ABCA3: variants seen among roughly 807,000 people sequenced by gnomAD.
ABCA3 encodes the protein ATP binding cassette subfamily A member 3.
ABCA3 carries 88 observed loss-of-function variants against 172.8 expected under a neutral mutation model. The observed-to-expected ratio is 0.51, with a 90% CI of 0.43 to 0.61. The LOEUF is 0.61. Among genes scored for constraint, ABCA3 ranks in the 20% least tolerant of loss-of-function variants. The probability of loss-of-function intolerance (pLI) is 0.00; values close to 1 mark genes in which losing one functional copy is unlikely to be tolerated. For synonymous variants in ABCA3, 1,066 were observed against 983.8 expected, an observed-to-expected ratio of 1.08 and a Z score of -1.56; for missense variants, 2,164 against 2,301.0, an observed-to-expected ratio of 0.94 and a Z score of 1.22.
chr16:2,295,773 C>T (rs749861567), intron 17 of ABCA3, 33 bp from the exon 18 acceptor site: 5 of 1,613,118 alleles, frequency 3.1e-6, no homozygotes, highest in South Asian at 2.2e-5. Context: ...AGATCTTTGG[C>T]TGATCCCCCA....
chr16:2,300,913 CAT>C (rs1206067160), intron 12 of ABCA3, among the ~76,000 whole-genome samples: 1 of 152,220 alleles, frequency 6.6e-6, no homozygotes, highest in Non-Finnish European at 1.5e-5. Flanking sequence ...ACACAGCTCT[CAT>C]ATGTAAAGTG....
chr16:2,339,552 C>A (rs1350928995), intron 1 of ABCA3, among the ~76,000 whole-genome samples: 2 of 152,202 alleles, frequency 1.3e-5, no homozygotes, highest in Admixed American at 1.3e-4. Flanking sequence ...AGGCAGCGCC[C>A]AGACTATCTG....
Position 2,295,581 on chromosome 16 carries a change from G to A in ABCA3, c.2414+9C>T. On this transcript the variant is annotated intron_variant, in intron 18 of 32. Coordinates refer to ENST00000301732, the MANE Select transcript of ABCA3 (RefSeq NM_001089.3). The stretch of plus-strand genomic sequence containing the variant: ...GTATACCTGTGCGTGCCCTCCCTGG[G>A]AGGCGTACCTGTGCGTGCTCTCTCT... The A allele has an allele frequency of 6.2e-7, 1 of 1,611,990 alleles. No individual in the cohort carries two copies.
intron 13 of ABCA3, 144 bp downstream of exon 13, chr16:2,299,861 G>A: frequency 1.6e-6 from 2 of 1,213,822 alleles, no homozygotes; most frequent in Non-Finnish European, 2.3e-6. Flanking sequence ...GAGGGCAGCG[G>A]AGGGTTCCTG....
intron 18 of ABCA3, among the ~76,000 whole-genome samples, chr16:2,295,023 G>A (rs2093677532): frequency 6.6e-6 from 1 of 152,022 alleles, no homozygotes; most frequent in Admixed American, 6.6e-5. Context: ...ATAAATAAAT[G>A]TAAAATGGAA....
chr16:2,294,830 A>C (rs1160195369), intron 18 of ABCA3, among the ~76,000 whole-genome samples: 1 of 152,002 alleles, frequency 6.6e-6, no homozygotes, highest in Non-Finnish European at 1.5e-5. Flanking sequence ...TAAAAATACA[A>C]AAATTAGCCG....
Position 2,317,656 on chromosome 16 carries a change from A to C in ABCA3, c.982T>G (p.Cys328Gly). The stretch of plus-strand genomic sequence containing the variant: ...ACCGACGCCATGCTCACCTTGACAC[A>C]GAAGAGCAGGGTCATGAAGGAGGCG... ...IAASFMTLLF[C>G]VKVKPNVAVL... is the part of the protein sequence containing the mutation. The change falls in exon 9 of 33, where the codon TGT (cysteine) becomes GGT (glycine). Residue 328 changes from cysteine (C) to glycine (G), a missense_variant. By Grantham distance (159) the Cys-to-Gly change is radical. Coordinates refer to ENST00000301732, the MANE Select transcript of ABCA3 (RefSeq NM_001089.3). 6.2e-7 allele frequency: 1 copy of C among 1,614,190 alleles called. No individual in the cohort carries two copies. The highest frequency in any genetic ancestry group is 1.1e-5 in the South Asian group (1 of 91,082).
rs1262754518 is a variant in ABCA3, at chr16:2,297,308, C to T, written c.2263+21G>A. On this transcript the variant is annotated intron_variant, in intron 17 of 32. Transcript: ENST00000301732. This position sits in a 1 kb window ranked among gnomAD's most constrained non-coding sequence, Gnocchi z 5.6. ...GGCAGCCAGGACACCGACCCTGTCG[C>T]GGGCTGGCCCCACCGCTCACCGTAT... 1.2e-5 allele frequency: 19 copies of T among 1,607,610 alleles called. No homozygotes were observed. The East Asian group carries it at 1.6e-4, about 13-fold the overall frequency.
chr16:2,329,766 G>C lies in ABCA3; in HGVS notation c.-450C>G, dbSNP rs529594680. The C allele has an allele frequency of 6.6e-6, 1 of 152,322 alleles. No individual in the cohort carries two copies. The highest frequency in any genetic ancestry group is 2.4e-5 in the African/African-American group (1 of 41,448). 9.4% of individuals were successfully genotyped at this position (152,322 alleles called of 1,614,324 possible). A position where few individuals can be genotyped will look rare whatever the true frequency, so the allele number is the denominator to read the frequency against. On this transcript the variant is annotated 5_prime_UTR_variant, in exon 2 of 33. Coordinates refer to ENST00000301732, the MANE Select transcript of ABCA3 (RefSeq NM_001089.3). ...GGTGGGGCCTGAGAGCCTCTGGAGT[G>C]GGGCAGGGCAACCCTGAGGTTTGGG...
At position 2,307,554 on chromosome 16, in the gene ABCA3, C is replaced by CA. The variant is rs1308304211; in HGVS notation, c.1285+895dup. Among the ~76,000 whole-genome samples, 6 of 146,646 alleles carry CA rather than the reference C, an allele frequency of 4.1e-5. No individual in the cohort carries two copies. The East Asian group carries it at 6.0e-4, about 15-fold the overall frequency. On this transcript the variant is annotated intron_variant, in intron 11 of 32. Coordinates refer to ENST00000301732, the MANE Select transcript of ABCA3 (RefSeq NM_001089.3). ...GGGAAACAGAACGAGACTCTTGTCT[C>CA]AAAAAAAAAGAAAAAAAGTCCTCAA...
chr16:2,281,311 G>A lies in ABCA3; in HGVS notation c.4164+70C>T. On this transcript the variant is annotated intron_variant, in intron 27 of 32. Transcript: ENST00000301732. This position sits in a 1 kb window ranked among gnomAD's most constrained non-coding sequence, Gnocchi z 4.7. Reference sequence around the variant, plus strand: ...CTCAGCGCCGAAAGCTTCCAGGGATGGGGTCGGACCCTGGGGACAGCCAGG... The same window carrying A: ...CTCAGCGCCGAAAGCTTCCAGGGATAGGGTCGGACCCTGGGGACAGCCAGG... 1.9e-6 allele frequency: 3 copies of A among 1,613,028 alleles called. No homozygotes were observed. Among genetic ancestry groups the A allele is most frequent in the Non-Finnish European group, 2.5e-6 (3 of 1,179,662 alleles).
At position 2,317,418 on chromosome 16, in the gene ABCA3, C is replaced by A. The variant is rs1366966017; in HGVS notation, c.991-15G>T. On this transcript the variant is annotated splice_polypyrimidine_tract_variant and intron_variant, in intron 9 of 32. Coordinates refer to ENST00000301732, the MANE Select transcript of ABCA3 (RefSeq NM_001089.3). ...TTTGGCTTCACCTGCAGGGCACAGG[C>A]ATGAGTCGGGCGTGGTGGGCCGGCA... 1 of 1,613,338 alleles carries A rather than the reference C, an allele frequency of 6.2e-7. No individual in the cohort carries two copies. Among genetic ancestry groups the A allele is most frequent in the Admixed American group, 1.7e-5 (1 of 60,026 alleles).
intron 1 of ABCA3, chr16:2,332,334 G>T: frequency 1.4e-6 from 1 of 731,918 alleles, no homozygotes; most frequent in Non-Finnish European, 2.5e-6. Flanking sequence ...ATTTCTAGTA[G>T]CGAGCACAGG....
In ABCA3 at chr16:2,278,773, G is replaced by A. The variant is rs531902146; in HGVS notation, c.4547+170C>T. Among the ~76,000 whole-genome samples, 5 of 152,334 alleles carry A rather than the reference G, an allele frequency of 3.3e-5. No individual in the cohort carries two copies. The highest frequency in any genetic ancestry group is 1.2e-4 in the African/African-American group (5 of 41,582). On this transcript the variant is annotated intron_variant, in intron 29 of 32. Coordinates refer to ENST00000301732, the MANE Select transcript of ABCA3 (RefSeq NM_001089.3). The surrounding 1 kb of genome is among the most constrained non-coding windows in gnomAD (Gnocchi z 4.4). ...CTAGGTGGCAGGCACTGTCAGGGCA[G>A]TCCCTTTCCTACGTGGAGCTACCTG...
In ABCA3 at chr16:2,278,164, C is replaced by T; in HGVS notation, c.4719-95G>A. ...CTCTCCGATCAGGCTGTTCCTGATA[C>T]CCATGCTCAGTGTGGCTCACGGGCA... On this transcript the variant is annotated intron_variant, in intron 30 of 32. Coordinates refer to ENST00000301732, the MANE Select transcript of ABCA3 (RefSeq NM_001089.3). The surrounding 1 kb of genome is among the most constrained non-coding windows in gnomAD (Gnocchi z 4.4). The T allele has an allele frequency of 1.9e-6, 3 of 1,595,438 alleles. No individual in the cohort carries two copies. In the South Asian group the frequency reaches 3.3e-5, roughly 18 times the overall value.
At chr16:2,326,321 C>G (rs776986964) in intron 4 of ABCA3, 47 bp from the exon 5 acceptor site, 16 of 1,611,250 alleles carry the variant, frequency 9.9e-6, no homozygotes, top group Admixed American at 8.3e-5. Flanking sequence ...AAGGCAGAAG[C>G]AGGGGCATGC....
rs1596850219 is a variant in ABCA3 at position 2,305,759 on chromosome 16, G to C, written c.1286-1609C>G. Among the ~76,000 whole-genome samples the C allele has an allele frequency of 2.6e-5, 4 of 152,174 alleles. No homozygotes were observed. The South Asian group carries it at 8.3e-4, about 32-fold the overall frequency. ...TATTTTTTTACATTTTAATTTTGTA[G>C]TGATGGGGGTCTTGCTATGTTGCCC... On this transcript the variant is annotated intron_variant, in intron 11 of 32. Transcript: ENST00000301732.
Position 2,299,438 on chromosome 16 carries a change from C to T in ABCA3, c.1706G>A (p.Gly569Asp). ...GQITVLLGHNGAGKTTTLSML... is the reference protein window; with the variant it reads ...GQITVLLGHNDAGKTTTLSML... The stretch of plus-strand genomic sequence containing the variant: ...GGAGAGGGTGGTGGTCTTCCCGGCA[C>T]CGTTGTGGCCCAGCAGGACGGTGAT... The change falls in exon 14 of 33, where the codon GGT (glycine) becomes GAT (aspartate). Residue 569 changes from glycine (G) to aspartate (D), a missense_variant. By Grantham distance (94) the Gly-to-Asp change is moderately conservative. Transcript: ENST00000301732. 6.2e-7 allele frequency: 1 copy of T among 1,613,860 alleles called. No homozygotes were observed. Among genetic ancestry groups the T allele is most frequent in the Non-Finnish European group, 8.5e-7 (1 of 1,179,992 alleles).
At chr16:2,290,339 G>A (rs1053414828) in intron 19 of ABCA3, among the ~76,000 whole-genome samples, 13 of 152,062 alleles carry the variant, frequency 8.5e-5, no homozygotes, top group Non-Finnish European at 1.5e-5. Flanking sequence ...TTACCAGCCT[G>A]GCTAGCTCTC....
Sources: gnomAD v4.1 joint callset for allele counts (sites outside exome capture counted in the v4.1 genomes callset) on GRCh38, gnomAD v4.1.1 for gene constraint, Gnocchi (gnomAD v3.1) non-coding constraint, MANE v1.5 for transcripts, NCBI Gene and HGNC (gene_info 2026-07-23, HGNC 2026-07-21) for gene names.